Variants in CDS2 observed in about 807,000 individuals in gnomAD.
The protein encoded by CDS2 is CDP-diacylglycerol synthase 2.
CDS2 carries 47 observed loss-of-function variants against 59.0 expected under a neutral mutation model. That is an observed-to-expected ratio of 0.80 (90% CI 0.63 to 1.02). CDS2 has a LOEUF of 1.02. CDS2 is among the 50% of genes least tolerant of loss of function. The probability of loss-of-function intolerance (pLI) is 0.00; values close to 1 mark genes in which losing one functional copy is unlikely to be tolerated. For synonymous variants in CDS2, 207 were observed against 206.4 expected, an observed-to-expected ratio of 1.00 and a Z score of -0.02; for missense variants, 356 against 558.9, an observed-to-expected ratio of 0.64 and a Z score of 3.66.
intron 1 of CDS2, among the ~76,000 whole-genome samples, chr20:5,156,879 T>C (rs1033942400): frequency 1.3e-5 from 2 of 152,192 alleles, no homozygotes; most frequent in Non-Finnish European, 2.9e-5. Context: ...TCCTGGTGGC[T>C]CCAGAAGCAC....
intron 1 of CDS2, among the ~76,000 whole-genome samples, chr20:5,135,617 G>A (rs1568527113): frequency 6.6e-6 from 1 of 152,146 alleles, no homozygotes; most frequent in Non-Finnish European, 1.5e-5. Context: ...GTAATAGTGA[G>A]GCACCCCCTC....
intron 2 of CDS2, among the ~76,000 whole-genome samples, chr20:5,174,107 G>A (rs1048063243): frequency 2.0e-5 from 3 of 152,192 alleles, no homozygotes; most frequent in African/African-American, 7.2e-5. Flanking sequence ...AATTCTCCAG[G>A]AAGAACTGGG....
rs2091023007 is a variant in CDS2 at position 5,180,137 on chromosome 20, A to G, written c.529+1181A>G. On this transcript the variant is annotated intron_variant, in intron 5 of 12. Transcript: ENST00000460006. ...CAGAACTGCTTTTGAGGATCTCCGC[A>G]TGTTTATGGATAAAGGTTCCTTTCC... Among the ~76,000 whole-genome samples the G allele has an allele frequency of 3.3e-5, 5 of 152,308 alleles. No individual in the cohort carries two copies. The South Asian group carries it at 8.3e-4, about 25-fold the overall frequency.
chr20:5,153,902 A>G (rs1466776941), intron 1 of CDS2, among the ~76,000 whole-genome samples: 2 of 152,108 alleles, frequency 1.3e-5, no homozygotes, highest in Non-Finnish European at 2.9e-5. Context: ...TGTGGCTTGG[A>G]AACTTTCATG....
intron 1 of CDS2, among the ~76,000 whole-genome samples, chr20:5,148,719 C>A (rs2090764590): frequency 6.6e-6 from 1 of 152,198 alleles, no homozygotes; most frequent in Non-Finnish European, 1.5e-5. Context: ...GCGGTTTGCA[C>A]CGTGGTTGGG....
chr20:5,182,429 G>T lies in CDS2; in HGVS notation c.572G>T (p.Arg191Leu). ...FVLSLVKKHYRLQFYMFGWTH... is the reference protein window; with the variant it reads ...FVLSLVKKHYLLQFYMFGWTH... ...CTGAGTCTGGTCAAGAAGCATTATC[G>T]ACTGCAGTTCTACATGGTAAAGGAA... is the stretch of plus-strand genomic sequence containing the variant. The change falls in exon 6 of 13, where the codon CGA becomes CTA. Residue 191 changes from arginine to leucine, a missense_variant. By Grantham distance (102) the Arg-to-Leu change is moderately radical. Around this residue, in one of 5 missense-constraint regions of CDS2, gnomAD observed 87 missense variants for 193.3 expected, o/e 0.45. Coordinates refer to ENST00000460006, the MANE Select transcript of CDS2 (RefSeq NM_003818.4). 3 of 1,611,904 alleles carry T rather than the reference G, an allele frequency of 1.9e-6. No individual in the cohort carries two copies. In the South Asian group the frequency reaches 3.3e-5, roughly 18 times the overall value.
intron 1 of CDS2, among the ~76,000 whole-genome samples, chr20:5,148,772 G>A (rs767044592): frequency 1.3e-5 from 2 of 152,156 alleles, no homozygotes; most frequent in Non-Finnish European, 1.5e-5. Context: ...CGTAAAAGCC[G>A]CCTGAGCTTT....
At chr20:5,189,482 T>G (rs1005855954) in intron 11 of CDS2, among the ~76,000 whole-genome samples, 1 of 152,194 alleles carries the variant, frequency 6.6e-6, no homozygotes, top group Non-Finnish European at 1.5e-5. Flanking sequence ...GAGGATCACT[T>G]GAGGCTAGGA....
intron 4 of CDS2, 141 bp from the exon 5 acceptor site, chr20:5,178,672 TCTGC>T (rs2091011411): frequency 1.5e-5 from 10 of 685,910 alleles, no homozygotes; most frequent in Non-Finnish European, 2.0e-5. Flanking sequence ...GAAACCATGG[TCTGC>T]CTGTTGCTCT....
At chr20:5,154,191 A>G (rs2090814915) in intron 1 of CDS2, among the ~76,000 whole-genome samples, 1 of 152,114 alleles carries the variant, frequency 6.6e-6, no homozygotes, top group Non-Finnish European at 1.5e-5. Context: ...CCCAGCCAGC[A>G]CCTCTGGGAG....
At chr20:5,179,121 C>CTTTTTT (rs34544851) in intron 5 of CDS2, among the ~76,000 whole-genome samples, 165 bp downstream of exon 5, 1 of 130,288 alleles carries the variant, frequency 7.7e-6, no homozygotes, top group African/African-American at 2.9e-5. Flanking sequence ...CAGCTGTTAC[C>CTTTTTT]TTTTTTTTTT....
intron 1 of CDS2, among the ~76,000 whole-genome samples, chr20:5,147,770 C>T (rs1014097600): frequency 1.3e-5 from 2 of 151,596 alleles, no homozygotes; most frequent in Non-Finnish European, 2.9e-5. Flanking sequence ...CCATGTTGCC[C>T]AGGTTGGTCT....
chr20:5,178,781 G>T (rs2091012296), intron 4 of CDS2, 36 bp from the exon 5 acceptor site: 2 of 1,612,796 alleles, frequency 1.2e-6, no homozygotes, highest in South Asian at 1.1e-5. Context: ...GAAGGCAAGG[G>T]TGCTCCCCAC....
rs1291455428 is a variant in CDS2, at chr20:5,189,129, C to T, written c.1044C>T (p.Leu348=). The change falls in exon 11 of 13, where the codon CTC becomes CTT. Residue 348 remains leucine, a synonymous_variant. Transcript: ENST00000460006. The stretch of plus-strand genomic sequence containing the variant: ...TCGCTCTCTCCACCTTTGCCTCGCT[C>T]ATTGGCCCCTTTGGAGGATTCTTCG... ...HSIALSTFAS[L]IGPFGGFFAS... 6.2e-7 allele frequency: 1 copy of T among 1,614,080 alleles called. No individual in the cohort carries two copies.
intron 1 of CDS2, among the ~76,000 whole-genome samples, chr20:5,140,092 G>C (rs1368749410): frequency 1.3e-5 from 2 of 152,208 alleles, no homozygotes; most frequent in Non-Finnish European, 2.9e-5. Flanking sequence ...GTGAACCGCT[G>C]CACCCGGCCA....
intron 10 of CDS2, among the ~76,000 whole-genome samples, chr20:5,188,108 T>C (rs1165780514): frequency 1.3e-5 from 2 of 151,740 alleles, no homozygotes; most frequent in Non-Finnish European, 1.5e-5. Flanking sequence ...AACACAAACA[T>C]ATTTGACACG....
intron 1 of CDS2, among the ~76,000 whole-genome samples, chr20:5,132,363 G>A (rs1386907868): frequency 6.6e-6 from 1 of 152,138 alleles, no homozygotes; most frequent in Non-Finnish European, 1.5e-5. Flanking sequence ...CTCCTGAAGT[G>A]CTGGGATTAC....
intron 1 of CDS2, among the ~76,000 whole-genome samples, chr20:5,141,345 A>G (rs74342169): frequency 0.025 from 3,826 of 152,292 alleles, 68 homozygotes; most frequent in East Asian, 0.08. Context: ...TGTCCATGCA[A>G]TGTGTGCATC....
At chr20:5,139,787 T>C (rs2090678618) in intron 1 of CDS2, among the ~76,000 whole-genome samples, 1 of 151,506 alleles carries the variant, frequency 6.6e-6, no homozygotes, top group Non-Finnish European at 1.5e-5. Flanking sequence ...TTACAAGTGC[T>C]TTTTCAGCAT....
Sources: gnomAD v4.1 joint callset for allele counts (sites outside exome capture counted in the v4.1 genomes callset) on GRCh38, gnomAD v4.1.1 for gene constraint, gnomAD v4.1.1 regional missense constraint, MANE v1.5 for transcripts, NCBI Gene and HGNC (gene_info 2026-07-23, HGNC 2026-07-21) for gene names.